PTPRM: variants seen among roughly 807,000 people sequenced by gnomAD.
PTPRM encodes receptor-type tyrosine-protein phosphatase mu.
PTPRM carries 47 observed loss-of-function variants against 186.7 expected under a neutral mutation model. That is an observed-to-expected ratio of 0.25 (90% CI 0.20 to 0.32). The LOEUF (loss-of-function observed/expected upper bound fraction) is 0.32, where lower values mean the gene tolerates loss of function less well. Ranked by LOEUF, PTPRM falls within the 10% of genes least tolerant of loss-of-function variation. PTPRM has a pLI of 1.00. For missense variants in PTPRM, 1,494 were observed against 1,865.0 expected (o/e 0.80, Z 3.66); for synonymous variants, 668 against 674.9 (o/e 0.99, Z 0.16).
intron 13 of PTPRM, among the ~76,000 whole-genome samples, chr18:8,115,665 G>A (rs1424309972): frequency 1.3e-5 from 2 of 152,264 alleles, no homozygotes; most frequent in South Asian, 2.1e-4. Context: ...ATTTAGAGAC[G>A]ATGGTAAAAA....
chr18:7,818,360 A>T (rs1203039181), intron 2 of PTPRM, among the ~76,000 whole-genome samples: 1 of 152,108 alleles, frequency 6.6e-6, no homozygotes, highest in East Asian at 1.9e-4. Flanking sequence ...TCATTCACAA[A>T]CAGTTTTGAC....
intron 5 of PTPRM, among the ~76,000 whole-genome samples, chr18:7,944,791 A>G (rs905665190): frequency 1.1e-4 from 16 of 152,000 alleles, no homozygotes; most frequent in Non-Finnish European, 2.2e-4. Flanking sequence ...TTTCCTCTTT[A>G]TTCCCTGCCT....
chr18:8,135,542 T>C (rs2092618134), intron 13 of PTPRM, among the ~76,000 whole-genome samples: 1 of 152,184 alleles, frequency 6.6e-6, no homozygotes, highest in African/African-American at 2.4e-5. Flanking sequence ...TCCAAATGAT[T>C]CTTCACCCAG....
intron 19 of PTPRM, among the ~76,000 whole-genome samples, chr18:8,269,152 A>G (rs1373951993): frequency 5.9e-5 from 9 of 152,040 alleles, no homozygotes; most frequent in Admixed American, 1.3e-4. Context: ...ATGATCTTAT[A>G]TATAGAAATA....
chr18:7,966,783 C>T (rs1599764679), intron 7 of PTPRM, among the ~76,000 whole-genome samples: 1 of 135,984 alleles, frequency 7.4e-6, no homozygotes, highest in Admixed American at 7.5e-5. Context: ...GACTATATCC[C>T]ACACCTGGCT....
At chr18:8,240,333 G>A (rs1036976380) in intron 14 of PTPRM, among the ~76,000 whole-genome samples, 1 of 151,610 alleles carries the variant, frequency 6.6e-6, no homozygotes, top group African/African-American at 2.4e-5. Context: ...CTACTGGGGA[G>A]GCTGAGGTAG....
At chr18:8,097,448 T>C (rs1280301636) in intron 11 of PTPRM, among the ~76,000 whole-genome samples, 1 of 152,192 alleles carries the variant, frequency 6.6e-6, no homozygotes. Flanking sequence ...GTCCAGTTAT[T>C]AGTACCTGGT....
At chr18:7,905,712 C>T (rs2049942978) in intron 3 of PTPRM, among the ~76,000 whole-genome samples, 2 of 152,196 alleles carry the variant, frequency 1.3e-5, no homozygotes, top group Admixed American at 6.5e-5. Flanking sequence ...AGCTCCTTCT[C>T]ATCCTGTAGC....
At chr18:8,388,220 T>C (rs2095790586) in intron 31 of PTPRM, among the ~76,000 whole-genome samples, 1 of 152,152 alleles carries the variant, frequency 6.6e-6, no homozygotes, top group Non-Finnish European at 1.5e-5. Context: ...AGGAAGATGT[T>C]TAGAGAATTT....
intron 13 of PTPRM, among the ~76,000 whole-genome samples, chr18:8,122,472 G>A (rs2092210358): frequency 6.6e-6 from 1 of 152,156 alleles, no homozygotes; most frequent in Non-Finnish European, 1.5e-5. Flanking sequence ...TAAGTGACAT[G>A]CTTGGCCTCT....
At chr18:7,936,514 C>T (rs1470148864) in intron 5 of PTPRM, among the ~76,000 whole-genome samples, 1 of 152,170 alleles carries the variant, frequency 6.6e-6, no homozygotes, top group East Asian at 1.9e-4. Flanking sequence ...CGCCTCAGCC[C>T]CTTCCTGACT....
intron 2 of PTPRM, among the ~76,000 whole-genome samples, chr18:7,858,710 G>A (rs1348117105): frequency 6.6e-6 from 1 of 152,190 alleles, no homozygotes; most frequent in African/African-American, 2.4e-5. Context: ...GAGAAGTCTT[G>A]AAATAATAAG....
chr18:8,283,159 C>G (rs182339512), intron 19 of PTPRM, among the ~76,000 whole-genome samples: 1 of 152,204 alleles, frequency 6.6e-6, no homozygotes, highest in Admixed American at 6.5e-5. Context: ...ACACTTAAGA[C>G]GAAATGGCAT....
intron 11 of PTPRM, among the ~76,000 whole-genome samples, chr18:8,108,316 T>A (rs1027834931): frequency 6.6e-6 from 1 of 152,156 alleles, no homozygotes; most frequent in African/African-American, 2.4e-5. Flanking sequence ...CAGAAGTGCC[T>A]GTTTTAGAGG....
At chr18:7,706,277 T>C (rs2040086769) in intron 1 of PTPRM, among the ~76,000 whole-genome samples, 1 of 151,922 alleles carries the variant, frequency 6.6e-6, no homozygotes, top group Non-Finnish European at 1.5e-5. Flanking sequence ...TAATTCCTTA[T>C]TGAGATTTTA....
intron 1 of PTPRM, among the ~76,000 whole-genome samples, chr18:7,597,611 C>A (rs1037297997): frequency 1.3e-5 from 2 of 152,122 alleles, no homozygotes; most frequent in African/African-American, 4.8e-5. Context: ...ATAAAGTTTC[C>A]GTCCCTGCTT....
intron 14 of PTPRM, among the ~76,000 whole-genome samples, chr18:8,223,825 T>C (rs2062851002): frequency 6.6e-6 from 1 of 152,210 alleles, no homozygotes; most frequent in African/African-American, 2.4e-5. Context: ...TTTGAGAAAT[T>C]AAGCAAAACC....
At position 8,001,533 on chromosome 18, in the gene PTPRM, GT is replaced by G. The variant is rs368130945; in HGVS notation, c.1132+46130del. ...TGCTAGACAACTGGATGAAAGGTTTGTTTTTTTTTTTATTTGCCCCTCCACC... is the reference window on the plus strand; with the variant it reads ...TGCTAGACAACTGGATGAAAGGTTTGTTTTTTTTTTATTTGCCCCTCCACC... On this transcript the variant is annotated intron_variant, in intron 7 of 32. Transcript: ENST00000580170. Among the ~76,000 whole-genome samples the G allele has an allele frequency of 3.4e-3, 496 of 146,118 alleles. 2 individuals carry two copies. The highest frequency in any genetic ancestry group is 0.011 in the African/African-American group (445 of 40,058).
chr18:8,112,133 T>G (rs1271444291), intron 11 of PTPRM, among the ~76,000 whole-genome samples: 2 of 152,230 alleles, frequency 1.3e-5, no homozygotes, highest in Non-Finnish European at 2.9e-5. Flanking sequence ...TTTTTTAAGT[T>G]TACATCACTG....
Sources: allele counts gnomAD v4.1 joint callset (sites outside exome capture counted in the v4.1 genomes callset), GRCh38; gene constraint gnomAD v4.1.1; transcripts MANE v1.5; gene names NCBI Gene and HGNC (gene_info 2026-07-23, HGNC 2026-07-21).